Variants in MYRIP observed in about 807,000 individuals in gnomAD.
MYRIP encodes the protein myosin VIIA and Rab interacting protein.
A neutral mutation model predicts 98.0 loss-of-function variants in MYRIP; 49 were observed. The ratio of observed to expected loss-of-function variants is 0.50; its 90% CI spans 0.40 to 0.63. MYRIP has a LOEUF of 0.63. Ranked by LOEUF, MYRIP falls within the 30% of genes least tolerant of loss-of-function variation. The pLI, the probability that MYRIP is intolerant of heterozygous loss-of-function variation, is 0.00. For synonymous variants in MYRIP, 404 were observed against 409.5 expected, an observed-to-expected ratio of 0.99 and a Z score of 0.16; for missense variants, 1,004 against 1,058.2, an observed-to-expected ratio of 0.95 and a Z score of 0.71.
At chr3:40,084,682 A>T (rs191560393) in intron 3 of MYRIP, among the ~76,000 whole-genome samples, 14 of 147,940 alleles carry the variant, frequency 9.5e-5, no homozygotes, top group African/African-American at 3.3e-4. Context: ...GATAGATAAT[A>T]TCTATGTATT....
intron 2 of MYRIP, among the ~76,000 whole-genome samples, chr3:39,922,033 A>G (rs1338338539): frequency 6.6e-6 from 1 of 152,164 alleles, no homozygotes; most frequent in Admixed American, 6.5e-5. Context: ...TAAGAGGACT[A>G]TGAACAGTGG....
At chr3:40,244,704 C>T in intron 13 of MYRIP, 97 bp downstream of exon 13, 1 of 1,277,316 alleles carries the variant, frequency 7.8e-7, no homozygotes, top group Non-Finnish European at 1.1e-6. Context: ...TATCTATCAG[C>T]TCCCATCATC....
At chr3:40,222,325 C>A (rs1428669569) in intron 11 of MYRIP, among the ~76,000 whole-genome samples, 1 of 152,066 alleles carries the variant, frequency 6.6e-6, no homozygotes, top group Non-Finnish European at 1.5e-5. Flanking sequence ...GGGGTGGTAA[C>A]CTCCGGGTGT....
At chr3:40,033,200 G>T (rs888439045) in intron 2 of MYRIP, among the ~76,000 whole-genome samples, 4 of 144,932 alleles carry the variant, frequency 2.8e-5, no homozygotes, top group African/African-American at 1.0e-4. Context: ...ATTCAACATA[G>T]TGTTGGAAGT....
rs928347464 is a variant in MYRIP at position 39,957,409 on chromosome 3, C to G, written c.110+56483C>G. On this transcript the variant is annotated intron_variant, in intron 2 of 16. Transcript: ENST00000302541. The stretch of plus-strand genomic sequence containing the variant: ...CAATAAACGTAATCCATCATATAAA[C>G]AGAACCAACGACAAAAACCACATGA... Among the ~76,000 whole-genome samples the G allele has an allele frequency of 4.5e-4, 68 of 152,246 alleles. 1 individual carries two copies. Among genetic ancestry groups the G allele is most frequent in the African/African-American group, 1.3e-3 (54 of 41,522 alleles).
rs377302628 is a variant in MYRIP at position 39,959,482 on chromosome 3, T to A, written c.110+58556T>A. On this transcript the variant is annotated intron_variant, in intron 2 of 16. Transcript: ENST00000302541. ...GGTGGGAATTGAACAATGAGAACAC[T>A]TGGACACAGGGTGGGGAACGTCACA... 1.3e-3 allele frequency among the ~76,000 whole-genome samples: 205 copies of A among 151,856 alleles called. 3 individuals carry two copies. The South Asian group carries it at 0.04, about 30-fold the overall frequency.
rs1559452056 is a variant in MYRIP at position 40,204,207 on chromosome 3, TTTATATATTATATATAA to T, written c.1666-5646_1666-5630del. On this transcript the variant is annotated intron_variant, in intron 10 of 16. Transcript: ENST00000302541. ...TAATATATAAATATTATATTATATA[TTTATATATTATATATAA>T]ATATATATATATTTTTTTTTTTTGA... Among the ~76,000 whole-genome samples, 14 of 44,544 alleles carry T rather than the reference TTTATATATTATATATAA, an allele frequency of 3.1e-4. 2 individuals carry two copies. Among genetic ancestry groups the T allele is most frequent in the South Asian group, 9.2e-4 (1 of 1,092 alleles). The allele number at this position is 44,544 out of a possible 152,430, so 29.2% of individuals were successfully genotyped here.
chr3:40,098,012 C>T (rs892104735), intron 3 of MYRIP, among the ~76,000 whole-genome samples: 2 of 152,202 alleles, frequency 1.3e-5, no homozygotes, highest in Admixed American at 6.5e-5. Context: ...GAGTTTAGTA[C>T]TGCACTCCCT....
intron 3 of MYRIP, among the ~76,000 whole-genome samples, chr3:40,083,423 T>TTCCTTCTTCC (rs1361494512): frequency 6.6e-6 from 1 of 152,184 alleles, no homozygotes; most frequent in African/African-American, 2.4e-5. Flanking sequence ...TTCCTTATTC[T>TTCCTTCTTCC]TCCTTCTTCC....
intron 1 of MYRIP, among the ~76,000 whole-genome samples, chr3:39,860,327 G>T (rs527295789): frequency 6.6e-6 from 1 of 152,286 alleles, no homozygotes; most frequent in South Asian, 2.1e-4. Context: ...TAGAGAGGTG[G>T]TAGGAGGATA....
intron 3 of MYRIP, among the ~76,000 whole-genome samples, chr3:40,144,666 C>T (rs73067612): frequency 0.22 from 33,576 of 152,146 alleles, 4,403 homozygotes; most frequent in South Asian, 0.36. Context: ...AATCATAAGC[C>T]CAGAGGGCGT....
At chr3:39,867,410 CTACA>C (rs1410755253) in intron 1 of MYRIP, among the ~76,000 whole-genome samples, 1 of 152,096 alleles carries the variant, frequency 6.6e-6, no homozygotes, top group East Asian at 1.9e-4. Context: ...TATTTGCAAA[CTACA>C]TACGTATCTA....
chr3:39,852,739 C>CCTCTT (rs527385928), intron 1 of MYRIP, among the ~76,000 whole-genome samples: 239 of 136,344 alleles, frequency 1.8e-3, no homozygotes, highest in Admixed American at 5.5e-3. Context: ...CTCCTGTTCT[C>CCTCTT]CTCTTCTCTT....
intron 1 of MYRIP, among the ~76,000 whole-genome samples, chr3:39,826,600 C>T (rs963348548): frequency 9.2e-5 from 14 of 152,088 alleles, no homozygotes; most frequent in Admixed American, 8.5e-4. Context: ...ATGTTATATG[C>T]GCTGATGAAA....
intron 1 of MYRIP, among the ~76,000 whole-genome samples, chr3:39,839,554 G>C (rs1941731456): frequency 6.6e-6 from 1 of 152,076 alleles, no homozygotes; most frequent in Non-Finnish European, 1.5e-5. Flanking sequence ...CACCGCGCCT[G>C]CCCTCTAGTT....
intron 2 of MYRIP, among the ~76,000 whole-genome samples, chr3:40,022,058 T>C (rs1267883242): frequency 6.6e-6 from 1 of 152,230 alleles, no homozygotes; most frequent in African/African-American, 2.4e-5. Flanking sequence ...TTTACAGTGT[T>C]AGAAGCCTAA....
chr3:40,221,730 T>C (rs1048091951), intron 11 of MYRIP, among the ~76,000 whole-genome samples: 7 of 152,214 alleles, frequency 4.6e-5, no homozygotes, highest in Non-Finnish European at 4.4e-5. Context: ...GTCTGATAAC[T>C]TGGTAATCCA....
chr3:40,251,363 T>C (rs1953372661), intron 15 of MYRIP, among the ~76,000 whole-genome samples: 1 of 152,248 alleles, frequency 6.6e-6, no homozygotes, highest in African/African-American at 2.4e-5. Flanking sequence ...TGCTTCATAA[T>C]TTCTTGGGCA....
intron 2 of MYRIP, among the ~76,000 whole-genome samples, chr3:39,999,377 C>T (rs1160857292): frequency 1.3e-5 from 2 of 152,188 alleles, no homozygotes; most frequent in African/African-American, 4.8e-5. Flanking sequence ...TATGAACAGA[C>T]ACTTCTCAAA....
Sources: allele counts gnomAD v4.1 joint callset (sites outside exome capture counted in the v4.1 genomes callset), GRCh38; gene constraint gnomAD v4.1.1; transcripts MANE v1.5; gene names NCBI Gene and HGNC (gene_info 2026-07-23, HGNC 2026-07-21).